XKR9: variants seen among roughly 807,000 people sequenced by gnomAD.
XKR9 encodes XK related 9.
In XKR9, 32 loss-of-function variants were observed where a neutral mutation model predicts 32.0. The ratio of observed to expected loss-of-function variants is 1.00; its 90% CI spans 0.76 to 1.34. The LOEUF is 1.34. Among genes scored for constraint, XKR9 ranks in the 40% most tolerant of loss-of-function variants. XKR9 has a pLI of 0.00. For synonymous variants in XKR9, 168 were observed against 143.4 expected (o/e 1.17, Z -1.22); for missense variants, 546 against 429.7 (o/e 1.27, Z -2.39).
chr8:70,857,005 C>G, the XKR9 span, among the ~76,000 whole-genome samples: 1 of 152,082 alleles, frequency 6.6e-6, no homozygotes, highest in Admixed American at 6.6e-5. Context: ...GCACTAAATG[C>G]CCACAAGAGA....
the XKR9 span, among the ~76,000 whole-genome samples, chr8:70,797,256 G>T: frequency 6.6e-6 from 1 of 152,164 alleles, no homozygotes; most frequent in Non-Finnish European, 1.5e-5. Flanking sequence ...AGTGTGGAGA[G>T]TAGAGGGTGT....
the XKR9 span, among the ~76,000 whole-genome samples, chr8:70,856,322 C>T: frequency 6.6e-6 from 1 of 152,124 alleles, no homozygotes; most frequent in Non-Finnish European, 1.5e-5. Flanking sequence ...AGCAGCGTTG[C>T]AATCCTAGTC....
chr8:71,064,303 C>T, the XKR9 span, among the ~76,000 whole-genome samples: 1 of 152,114 alleles, frequency 6.6e-6, no homozygotes, highest in Admixed American at 6.5e-5. Flanking sequence ...AATAATACTA[C>T]TACTGTCATC....
chr8:70,972,019 TA>T, the XKR9 span, among the ~76,000 whole-genome samples: 4 of 152,016 alleles, frequency 2.6e-5, no homozygotes, highest in Admixed American at 2.0e-4. Flanking sequence ...TTTTTGTGGG[TA>T]TTGCATTGAA....
intron 2 of XKR9, among the ~76,000 whole-genome samples, chr8:70,748,771 A>C (rs1343313887): frequency 6.6e-6 from 1 of 152,096 alleles, no homozygotes; most frequent in African/African-American, 2.4e-5. Flanking sequence ...CCCAGATGAG[A>C]ATTTATGGTG....
the XKR9 span, among the ~76,000 whole-genome samples, chr8:71,020,311 A>G: frequency 6.6e-6 from 1 of 152,218 alleles, no homozygotes; most frequent in African/African-American, 2.4e-5. Flanking sequence ...CTGTATTAGA[A>G]AAACTGTTCC....
At chr8:70,906,360 T>C in the XKR9 span, among the ~76,000 whole-genome samples, 1 of 152,224 alleles carries the variant, frequency 6.6e-6, no homozygotes, top group East Asian at 1.9e-4. Flanking sequence ...AAGAACTTAA[T>C]TATTTAATTT....
the XKR9 span, among the ~76,000 whole-genome samples, chr8:70,806,263 G>C: frequency 6.7e-6 from 1 of 150,002 alleles, no homozygotes; most frequent in African/African-American, 2.5e-5. Context: ...CCATTCCAAA[G>C]GTCAGCAGCC....
chr8:70,775,481 T>C (rs1476419142), intron 2 of XKR9, among the ~76,000 whole-genome samples: 2 of 152,178 alleles, frequency 1.3e-5, no homozygotes, highest in Non-Finnish European at 1.5e-5. Flanking sequence ...GGTTTTCTTC[T>C]AGTCCCAGTT....
intron 4 of XKR9, among the ~76,000 whole-genome samples, chr8:70,716,565 C>G (rs921870244): frequency 6.6e-6 from 1 of 152,030 alleles, no homozygotes; most frequent in Non-Finnish European, 1.5e-5. Context: ...TTGTGAGAAC[C>G]TACTATCACG....
At chr8:70,756,076 C>G (rs370958069) in intron 2 of XKR9, among the ~76,000 whole-genome samples, 4 of 151,942 alleles carry the variant, frequency 2.6e-5, no homozygotes, top group East Asian at 1.9e-4. Context: ...ATTCTTTATT[C>G]CTTTGCCTAT....
At chr8:70,754,605 G>A (rs1372863958) in intron 2 of XKR9, among the ~76,000 whole-genome samples, 4 of 151,190 alleles carry the variant, frequency 2.6e-5, no homozygotes, top group African/African-American at 7.3e-5. Context: ...CAGAAATAAC[G>A]CCGCACATCT....
At chr8:70,774,016 C>A (rs1807487385) in intron 2 of XKR9, among the ~76,000 whole-genome samples, 2 of 152,114 alleles carry the variant, frequency 1.3e-5, no homozygotes, top group Non-Finnish European at 2.9e-5. Flanking sequence ...TACAAGTCAC[C>A]TTTAACAGAA....
chr8:70,957,653 G>A, the XKR9 span, among the ~76,000 whole-genome samples: 9 of 151,950 alleles, frequency 5.9e-5, no homozygotes, highest in Non-Finnish European at 1.2e-4. Flanking sequence ...TTCTCTTCCC[G>A]CATTAGTTTG....
intron 4 of XKR9, among the ~76,000 whole-genome samples, chr8:70,721,862 A>G (rs1427531719): frequency 6.6e-6 from 1 of 151,992 alleles, no homozygotes; most frequent in Non-Finnish European, 1.5e-5. Flanking sequence ...ATCCTTGTTA[A>G]TTTTCTGTCT....
the XKR9 span, among the ~76,000 whole-genome samples, chr8:70,876,082 A>G: frequency 6.6e-6 from 1 of 152,210 alleles, no homozygotes; most frequent in Non-Finnish European, 1.5e-5. Context: ...TCAATTCCAT[A>G]CTATGAAATA....
the XKR9 span, among the ~76,000 whole-genome samples, chr8:70,823,648 A>T: frequency 6.6e-6 from 1 of 152,326 alleles, no homozygotes; most frequent in Admixed American, 6.5e-5. Context: ...GGTAAGAGAA[A>T]ATTGCTATTG....
At chr8:71,000,207 G>A in the XKR9 span, among the ~76,000 whole-genome samples, 1 of 152,174 alleles carries the variant, frequency 6.6e-6, no homozygotes, top group African/African-American at 2.4e-5. Flanking sequence ...GAGACAAAAT[G>A]ATTTAGTGTT....
the XKR9 span, among the ~76,000 whole-genome samples, chr8:71,004,337 T>A: frequency 6.6e-6 from 1 of 152,042 alleles, no homozygotes; most frequent in Non-Finnish European, 1.5e-5. Context: ...TATTAGCAGC[T>A]TATTTGCCCC....
Sources: gnomAD v4.1 joint callset for allele counts (sites outside exome capture counted in the v4.1 genomes callset) on GRCh38, gnomAD v4.1.1 for gene constraint, MANE v1.5 for transcripts, NCBI Gene and HGNC (gene_info 2026-07-23, HGNC 2026-07-21) for gene names.